ULK4: variants seen among roughly 807,000 people sequenced by gnomAD.
ULK4 encodes the protein unc-51 like kinase 4, also known as inactive serine/threonine-protein kinase ULK4.
In ULK4, 133 loss-of-function variants were observed where a neutral mutation model predicts 160.6. The ratio of observed to expected loss-of-function variants is 0.83; its 90% CI spans 0.72 to 0.96. The LOEUF (loss-of-function observed/expected upper bound fraction) is 0.96, where lower values mean the gene tolerates loss of function less well. ULK4 is among the 40% of genes least tolerant of loss of function. The pLI is 0.00. For missense variants in ULK4, 1,580 were observed against 1,499.5 expected, an observed-to-expected ratio of 1.05 and a Z score of -0.89; for synonymous variants, 534 against 539.8, an observed-to-expected ratio of 0.99 and a Z score of 0.15.
At chr3:41,383,184 C>T (rs867801067) in intron 35 of ULK4, among the ~76,000 whole-genome samples, 49 of 151,686 alleles carry the variant, frequency 3.2e-4, no homozygotes, top group African/African-American at 8.0e-4. Flanking sequence ...CTGCAACCTC[C>T]GCCTCCTTGG....
At chr3:41,901,172 C>CTTTTTTTTT (rs201425733) in intron 12 of ULK4, among the ~76,000 whole-genome samples, 5 of 119,926 alleles carry the variant, frequency 4.2e-5, no homozygotes, top group South Asian at 2.6e-4. Flanking sequence ...AGCATGGCTT[C>CTTTTTTTTT]TTTTTTTTTT....
rs1031449405 is a variant in ULK4, at chr3:41,645,484, C to A, written c.3071+18123G>T. ...TCATTCAGGAGCAGGTTGTTCAGTT[C>A]CATGTAGTGGAGTGGTTTTCAGTGA... is the stretch of plus-strand genomic sequence containing the variant. On this transcript the variant is annotated intron_variant, in intron 30 of 36. Transcript: ENST00000301831. 3.8e-4 allele frequency among the ~76,000 whole-genome samples: 58 copies of A among 151,572 alleles called. 1 individual carries two copies. The highest frequency in any genetic ancestry group is 1.5e-5 in the Non-Finnish European group (1 of 68,012).
At chr3:41,535,858 G>A (rs1275603859) in intron 32 of ULK4, among the ~76,000 whole-genome samples, 1 of 152,164 alleles carries the variant, frequency 6.6e-6, no homozygotes, top group Non-Finnish European at 1.5e-5. Flanking sequence ...TAGAGTTTCT[G>A]ACCTCAATGT....
Position 41,578,921 on chromosome 3 carries a change from T to A in ULK4, c.3121-12791A>T, listed in dbSNP as rs750861711. On this transcript the variant is annotated intron_variant, in intron 31 of 36. Coordinates refer to ENST00000301831, the MANE Select transcript of ULK4 (RefSeq NM_017886.4). Reference sequence around the variant, plus strand: ...GCTTAATTTCTTCAGTCAAGCTAGGTTGAGAGTTTCCCTAAGGGCCTTGAG... The same window carrying A: ...GCTTAATTTCTTCAGTCAAGCTAGGATGAGAGTTTCCCTAAGGGCCTTGAG... 3.9e-5 allele frequency among the ~76,000 whole-genome samples: 6 copies of A among 152,270 alleles called. 1 individual carries two copies. The Middle Eastern group carries it at 0.014, about 345-fold the overall frequency.
intron 5 of ULK4, among the ~76,000 whole-genome samples, chr3:41,922,125 C>G (rs1699206633): frequency 6.6e-6 from 1 of 152,022 alleles, no homozygotes; most frequent in Non-Finnish European, 1.5e-5. Flanking sequence ...TGCACTCCAG[C>G]CTAGGCAACA....
Position 41,566,142 on chromosome 3 carries a change from C to T in ULK4, c.3121-12G>A. The T allele has an allele frequency of 6.3e-7, 1 of 1,597,574 alleles. No individual in the cohort carries two copies. On this transcript the variant is annotated splice_polypyrimidine_tract_variant and intron_variant, in intron 31 of 36. Coordinates refer to ENST00000301831, the MANE Select transcript of ULK4 (RefSeq NM_017886.4). ...CTCTCCTGATGTTCCTGCAATAGAT[C>T]ATAATTTCCATCATAACCATACAGA...
intron 27 of ULK4, among the ~76,000 whole-genome samples, chr3:41,685,661 A>G (rs1478641224): frequency 2.6e-5 from 4 of 152,186 alleles, no homozygotes; most frequent in African/African-American, 9.7e-5. Context: ...GCTGACCTGC[A>G]TACCTACCCT....
chr3:41,912,512 G>T (rs372446322), intron 9 of ULK4, among the ~76,000 whole-genome samples: 10 of 152,070 alleles, frequency 6.6e-5, no homozygotes, highest in Non-Finnish European at 1.0e-4. Flanking sequence ...ATAAAGAGGA[G>T]AAAAAAGATC....
At chr3:41,523,383 T>C (rs984936763) in intron 32 of ULK4, among the ~76,000 whole-genome samples, 2 of 152,196 alleles carry the variant, frequency 1.3e-5, no homozygotes, top group Non-Finnish European at 2.9e-5. Context: ...GGGACTGAGA[T>C]TGTGAGCAGA....
chr3:41,764,680 T>A (rs962522097), intron 21 of ULK4, among the ~76,000 whole-genome samples: 5 of 152,342 alleles, frequency 3.3e-5, no homozygotes, highest in African/African-American at 1.2e-4. Context: ...TATAACATGC[T>A]GGCAAAGAAT....
At chr3:41,268,174 T>C (rs2079076524) in intron 35 of ULK4, among the ~76,000 whole-genome samples, 1 of 152,206 alleles carries the variant, frequency 6.6e-6, no homozygotes, top group African/African-American at 2.4e-5. Flanking sequence ...TAAAGAATTA[T>C]CTGACTCACA....
At chr3:41,599,785 G>A (rs1007923683) in intron 31 of ULK4, among the ~76,000 whole-genome samples, 16 of 151,790 alleles carry the variant, frequency 1.1e-4, no homozygotes, top group African/African-American at 3.9e-4. Flanking sequence ...GGCTGGTCTC[G>A]AACTCCCGGC....
chr3:41,296,533 C>T (rs923074660), intron 35 of ULK4, among the ~76,000 whole-genome samples: 15 of 152,138 alleles, frequency 9.9e-5, no homozygotes, highest in Non-Finnish European at 1.0e-4. Flanking sequence ...CTCTGCCCAC[C>T]AGGTGAGAAC....
chr3:41,333,513 T>C (rs2080490391), intron 35 of ULK4, among the ~76,000 whole-genome samples: 1 of 152,194 alleles, frequency 6.6e-6, no homozygotes, highest in South Asian at 2.1e-4. Flanking sequence ...CTGGCCAGCA[T>C]TACTCTTTCT....
intron 12 of ULK4, among the ~76,000 whole-genome samples, chr3:41,901,479 C>CTTTGTTTTTTTTTTTTTTTTTTTTTTT (rs1698359355): frequency 4.4e-5 from 1 of 22,526 alleles, no homozygotes; most frequent in Non-Finnish European, 1.7e-4. Flanking sequence ...CACGCCCAGC[C>CTTTGTTTTTTTTTTTTTTTTTTTTTTT]TTTTTTTTTT....
chr3:41,500,706 T>G (rs2085171448), intron 32 of ULK4, among the ~76,000 whole-genome samples: 1 of 152,128 alleles, frequency 6.6e-6, no homozygotes, highest in Non-Finnish European at 1.5e-5. Flanking sequence ...GCACAGCCAG[T>G]TCTGGAATGA....
rs1255470626 is a variant in ULK4, at chr3:41,375,884, C to G, written c.3678+22195G>C. ...GAGAAAATTTTTCCAATCTATCCAT[C>G]TGACAAAGGGCTAATATCCAGAATC... is the stretch of plus-strand genomic sequence containing the variant. On this transcript the variant is annotated intron_variant, in intron 35 of 36. Transcript: ENST00000301831. Among the ~76,000 whole-genome samples, 11 of 150,212 alleles carry G rather than the reference C, an allele frequency of 7.3e-5. 2 individuals are homozygous for G. In the East Asian group the frequency reaches 2.3e-3, roughly 31 times the overall value.
chr3:41,527,518 T>C (rs1340973757), intron 32 of ULK4, among the ~76,000 whole-genome samples: 1 of 152,172 alleles, frequency 6.6e-6, no homozygotes, highest in Non-Finnish European at 1.5e-5. Context: ...AAGTCACCAG[T>C]ATAGGGCTAA....
In ULK4 at chr3:41,900,806, C is replaced by A; in HGVS notation, c.1206G>T (p.Gln402His). Residue 402 changes from glutamine (Q) to histidine (H), a missense_variant, in exon 13 of 37, where the codon CAG becomes CAT. Physicochemically the swap from Gln to His is conservative, Grantham distance 24. Coordinates refer to ENST00000301831, the MANE Select transcript of ULK4 (RefSeq NM_017886.4). ...LTKITSGHLS[Q>H]QDLESQMREL... is the part of the protein sequence containing the mutation. ...CTCTCATCTGGGATTCCAGGTCCTG[C>A]TGACTCAGGTGTCCACTTGTAATCT... The A allele has an allele frequency of 6.2e-7, 1 of 1,613,512 alleles. No individual in the cohort carries two copies. The highest frequency in any genetic ancestry group is 8.5e-7 in the Non-Finnish European group (1 of 1,179,620).
Sources: allele counts gnomAD v4.1 joint callset (sites outside exome capture counted in the v4.1 genomes callset), GRCh38; gene constraint gnomAD v4.1.1; transcripts MANE v1.5; gene names NCBI Gene and HGNC (gene_info 2026-07-23, HGNC 2026-07-21).